CHM: variants seen among roughly 807,000 people sequenced by gnomAD.
The protein encoded by CHM is rab proteins geranylgeranyltransferase component A 1.
Under a neutral mutation model 49.0 loss-of-function variants are expected in CHM, and 10 were observed. That is an observed-to-expected ratio of 0.20 (90% CI 0.13 to 0.35). CHM has a LOEUF of 0.35. Ranked by LOEUF, CHM falls within the 10% of genes least tolerant of loss-of-function variation. The probability of loss-of-function intolerance (pLI) is 1.00; values close to 1 mark genes in which losing one functional copy is unlikely to be tolerated. For synonymous variants in CHM, 184 were observed against 167.5 expected (o/e 1.10, Z -0.76); for missense variants, 455 against 478.4 (o/e 0.95, Z 0.46).
chrX:85,968,111 A>G (rs1930676647), intron 4 of CHM, among the ~76,000 whole-genome samples: 1 of 111,889 alleles, frequency 8.9e-6, no homozygotes, highest in Non-Finnish European at 1.9e-5. Context: ...TCTGATTTTC[A>G]CAGTATATAT....
chrX:85,932,909 TAC>T (rs750902475), intron 8 of CHM, among the ~76,000 whole-genome samples: 1 of 112,185 alleles, frequency 8.9e-6, no homozygotes, highest in Admixed American at 9.5e-5. Context: ...CTGCTCTTGG[TAC>T]ATTTACACTT....
At chrX:86,027,379 G>C in intron 2 of CHM, 112 bp downstream of exon 2, 2 of 604,248 alleles carry the variant, frequency 3.3e-6, no homozygotes, top group Non-Finnish European at 5.5e-6. Flanking sequence ...TTAAGTTTAT[G>C]TATGATATAC....
Position 85,963,745 on chromosome X carries a change from C to T in CHM, c.622G>A (p.Glu208Lys), listed in dbSNP as rs1278957816. The change falls in exon 5 of 15, where the codon GAG becomes AAG. Residue 208 changes from glutamate to lysine, a missense_variant. Physicochemically the swap from Glu to Lys is moderately conservative, Grantham distance 56. Coordinates refer to ENST00000357749, the MANE Select transcript of CHM (RefSeq NM_000390.4). ...GTAATTCTGTTTTTCTTTGGTTGCTCTGTGGTATCTTCTGCTATAGGCACA... is the reference window on the plus strand; with the variant it reads ...GTAATTCTGTTTTTCTTTGGTTGCTTTGTGGTATCTTCTGCTATAGGCACA... ...ENVPIAEDTTEQPKKNRITYS... is the reference protein window; with the variant it reads ...ENVPIAEDTTKQPKKNRITYS... The T allele has an allele frequency of 8.3e-7, 1 of 1,209,694 alleles. No individual in the cohort carries two copies.
chrX:85,908,664 A>C (rs775900225), intron 9 of CHM, among the ~76,000 whole-genome samples: 16 of 111,391 alleles, frequency 1.4e-4, no homozygotes, highest in Non-Finnish European at 3.0e-4. Context: ...TTTTCCAGGA[A>C]GAGATTCATA....
chrX:86,001,797 C>T (rs1932736133), intron 2 of CHM, among the ~76,000 whole-genome samples: 1 of 110,176 alleles, frequency 9.1e-6, no homozygotes, highest in African/African-American at 3.3e-5. Context: ...AGCCACATCA[C>T]AGCCCATTAC....
intron 8 of CHM, among the ~76,000 whole-genome samples, chrX:85,912,760 C>T (rs1346528646): frequency 9.0e-6 from 1 of 111,374 alleles, no homozygotes; most frequent in Non-Finnish European, 1.9e-5. Flanking sequence ...CACCTGTAAT[C>T]CCAGCACTTT....
At chrX:85,936,088 T>C (rs754446514) in intron 8 of CHM, among the ~76,000 whole-genome samples, 272 of 112,191 alleles carry the variant, frequency 2.4e-3, no homozygotes, top group African/African-American at 8.2e-3. Context: ...GAAAAAATTA[T>C]GGAGTACCCA....
At chrX:85,962,019 T>C (rs925580212) in intron 5 of CHM, among the ~76,000 whole-genome samples, 12 of 112,328 alleles carry the variant, frequency 1.1e-4, no homozygotes, top group Non-Finnish European at 2.3e-4. Context: ...TTGCAAGATA[T>C]ATACTAAATT....
chrX:85,886,682 A>G (rs1406378191), intron 12 of CHM, among the ~76,000 whole-genome samples: 1 of 110,999 alleles, frequency 9.0e-6, no homozygotes, highest in Non-Finnish European at 1.9e-5. Context: ...TGAGAACAGA[A>G]CAACTTGCAA....
At chrX:85,898,438 C>T (rs1603243631) in intron 11 of CHM, among the ~76,000 whole-genome samples, 1 of 111,493 alleles carries the variant, frequency 9.0e-6, no homozygotes, top group East Asian at 2.8e-4. Context: ...CTCCTTCTTA[C>T]TTCGTTATCT....
chrX:85,883,443 C>T (rs1018523090), intron 12 of CHM, among the ~76,000 whole-genome samples: 6 of 111,205 alleles, frequency 5.4e-5, no homozygotes, highest in Admixed American at 1.9e-4. Context: ...AAGTAAGGAA[C>T]TGAGTTTGAT....
intron 4 of CHM, among the ~76,000 whole-genome samples, chrX:85,973,570 A>G (rs1931087433): frequency 9.0e-6 from 1 of 111,419 alleles, no homozygotes; most frequent in Admixed American, 9.5e-5. Flanking sequence ...TGCTTGATAC[A>G]AGCAAATACA....
intron 2 of CHM, among the ~76,000 whole-genome samples, chrX:85,990,106 G>A (rs905739360): frequency 4.5e-5 from 5 of 111,966 alleles, no homozygotes; most frequent in Non-Finnish European, 7.5e-5. Flanking sequence ...CATCAATGAC[G>A]GACTGGATAA....
intron 1 of CHM, among the ~76,000 whole-genome samples, chrX:86,041,950 G>A (rs1934484452): frequency 9.1e-6 from 1 of 109,420 alleles, no homozygotes; most frequent in Non-Finnish European, 1.9e-5. Flanking sequence ...ATCCTGTGAT[G>A]TGAGAACCAC....
At position 85,863,115 on chromosome X, in the gene CHM, CAG is replaced by C. The variant is rs1448472148; in HGVS notation, c.*1513_*1514del. Reference sequence around the variant, plus strand: ...GCCCCCTTTTTTTTTTTTTGTGAGACAGAGTCTTGCTCTGTCACCCAGGCTGG... The same window carrying C: ...GCCCCCTTTTTTTTTTTTTGTGAGACAGTCTTGCTCTGTCACCCAGGCTGG... On this transcript the variant is annotated 3_prime_UTR_variant, in exon 15 of 15. Coordinates refer to ENST00000357749, the MANE Select transcript of CHM (RefSeq NM_000390.4). 2 of 105,405 alleles carry C rather than the reference CAG, an allele frequency of 1.9e-5. No individual in the cohort carries two copies. Among genetic ancestry groups the C allele is most frequent in the Non-Finnish European group, 3.9e-5 (2 of 51,650 alleles). 8.7% of individuals were successfully genotyped at this position (105,405 alleles called of 1,213,427 possible). A position where few individuals can be genotyped will look rare whatever the true frequency, so the allele number is the denominator to read the frequency against.
At chrX:85,894,140 AC>A in intron 12 of CHM, 47 bp downstream of exon 12, 2 of 949,481 alleles carry the variant, frequency 2.1e-6, no homozygotes, top group Non-Finnish European at 3.0e-6. Flanking sequence ...TGCCCCCTTT[AC>A]CCCCTAAACA....
chrX:86,047,166 A>G, intron 1 of CHM: 1 of 358,635 alleles, frequency 2.8e-6, no homozygotes, highest in South Asian at 4.1e-5. Context: ...CTCCGTTGAT[A>G]AAATCCCGAC....
At chrX:86,004,336 AT>A (rs1435504709) in intron 2 of CHM, among the ~76,000 whole-genome samples, 2 of 112,170 alleles carry the variant, frequency 1.8e-5, no homozygotes, top group African/African-American at 6.5e-5. Flanking sequence ...CATCGATACT[AT>A]AAAGAAACTG....
chrX:85,956,433 A>G lies in CHM; in HGVS notation c.941-55T>C, dbSNP rs1261704788. On this transcript the variant is annotated intron_variant, in intron 7 of 14. Transcript: ENST00000357749. Reference sequence around the variant, plus strand: ...AATCAGAACTAAACTTCTATTTAAAACCACCCCACAAAAAGGAGATGAAGT... The same window carrying G: ...AATCAGAACTAAACTTCTATTTAAAGCCACCCCACAAAAAGGAGATGAAGT... 6.0e-6 allele frequency: 7 copies of G among 1,162,558 alleles called. No individual in the cohort carries two copies. The Admixed American group carries it at 1.8e-4, about 29-fold the overall frequency.
Sources: allele counts gnomAD v4.1 joint callset (sites outside exome capture counted in the v4.1 genomes callset), GRCh38; gene constraint gnomAD v4.1.1; transcripts MANE v1.5; gene names NCBI Gene and HGNC (gene_info 2026-07-23, HGNC 2026-07-21).